MAP3K20: variants seen among roughly 807,000 people sequenced by gnomAD.
MAP3K20 encodes the protein mitogen-activated protein kinase kinase kinase 20.
A neutral mutation model predicts 85.7 loss-of-function variants in MAP3K20; 40 were observed. The observed-to-expected ratio is 0.47, with a 90% CI of 0.36 to 0.61. The LOEUF (loss-of-function observed/expected upper bound fraction) is 0.61. MAP3K20 is among the 20% of genes least tolerant of loss of function. MAP3K20 has a pLI of 0.00. For synonymous variants in MAP3K20, 325 were observed against 327.7 expected, an observed-to-expected ratio of 0.99 and a Z score of 0.09; for missense variants, 817 against 961.7, an observed-to-expected ratio of 0.85 and a Z score of 1.99.
intron 10 of MAP3K20, 116 bp downstream of exon 10, chr2:173,209,951 G>C (rs998152428): frequency 1.7e-5 from 16 of 941,588 alleles, no homozygotes; most frequent in Non-Finnish European, 2.5e-5. Context: ...CATAGCTTAG[G>C]GAAAAAGAAA....
chr2:173,122,438 C>A (rs1255621294), intron 2 of MAP3K20, among the ~76,000 whole-genome samples: 1 of 152,150 alleles, frequency 6.6e-6, no homozygotes, highest in Non-Finnish European at 1.5e-5. Context: ...TATGTTCTTT[C>A]CCCCTGTGCA....
chr2:173,151,201 A>G (rs1689297932), intron 2 of MAP3K20, among the ~76,000 whole-genome samples: 1 of 152,124 alleles, frequency 6.6e-6, no homozygotes, highest in South Asian at 2.1e-4. Flanking sequence ...TCTGAGGGGA[A>G]TGTAAAATGA....
chr2:173,117,256 T>C (rs1214081553), intron 2 of MAP3K20, among the ~76,000 whole-genome samples: 2 of 152,164 alleles, frequency 1.3e-5, no homozygotes, highest in African/African-American at 4.8e-5. Context: ...GAAGCAGGGA[T>C]ATGTAGTTTT....
intron 2 of MAP3K20, among the ~76,000 whole-genome samples, chr2:173,168,035 CTG>C (rs1218775268): frequency 1.3e-5 from 2 of 151,752 alleles, no homozygotes; most frequent in East Asian, 3.8e-4. Flanking sequence ...GATTTCCAAA[CTG>C]CACATACATT....
At chr2:173,221,660 C>T in intron 11 of MAP3K20, 2 of 1,358,114 alleles carry the variant, frequency 1.5e-6, no homozygotes, top group Non-Finnish European at 1.9e-6. Flanking sequence ...ATCACATTTA[C>T]ATGACCGTAA....
intron 11 of MAP3K20, chr2:173,221,122 A>T (rs752621302): frequency 6.9e-7 from 1 of 1,444,300 alleles, no homozygotes; most frequent in Non-Finnish European, 9.2e-7. Context: ...TTCTCTTTTT[A>T]CTTCTGTCCT....
intron 11 of MAP3K20, chr2:173,225,601 A>AAC (rs1684363164): frequency 1.0e-6 from 1 of 962,736 alleles, no homozygotes; most frequent in African/African-American, 2.1e-5. Flanking sequence ...CTCAAAAAAA[A>AAC]AAAAAAACAA....
chr2:173,119,579 C>T (rs1010503918), intron 2 of MAP3K20, among the ~76,000 whole-genome samples: 2 of 152,184 alleles, frequency 1.3e-5, no homozygotes, highest in Non-Finnish European at 2.9e-5. Context: ...GGGCCTAGCT[C>T]CAGTATCACG....
chr2:173,131,628 A>G (rs1366346361), intron 2 of MAP3K20, among the ~76,000 whole-genome samples: 2 of 152,206 alleles, frequency 1.3e-5, no homozygotes, highest in African/African-American at 4.8e-5. Flanking sequence ...GGTATATTAG[A>G]TATTTGCAGA....
chr2:173,229,766 T>C, intron 12 of MAP3K20, 33 bp downstream of exon 12: 1 of 1,612,498 alleles, frequency 6.2e-7, no homozygotes, highest in Non-Finnish European at 8.5e-7. Flanking sequence ...TTATTTGACT[T>C]GAGCAGGTAT....
intron 16 of MAP3K20, among the ~76,000 whole-genome samples, chr2:173,245,978 A>G (rs1684903788): frequency 6.6e-6 from 1 of 152,240 alleles, no homozygotes; most frequent in African/African-American, 2.4e-5. Context: ...ACAACCTGGA[A>G]GTTACGACAA....
At chr2:173,092,808 A>G (rs1334234622) in intron 2 of MAP3K20, among the ~76,000 whole-genome samples, 2 of 152,168 alleles carry the variant, frequency 1.3e-5, no homozygotes, top group African/African-American at 2.4e-5. Flanking sequence ...AAGGATACCT[A>G]CATAATACCT....
intron 2 of MAP3K20, among the ~76,000 whole-genome samples, chr2:173,105,749 G>A (rs192907421): frequency 1.3e-5 from 2 of 152,258 alleles, no homozygotes; most frequent in Non-Finnish European, 2.9e-5. Flanking sequence ...ATTACCAGGG[G>A]CTGGGAGAGA....
chr2:173,185,623 T>C (rs74511003), intron 4 of MAP3K20, among the ~76,000 whole-genome samples: 6,021 of 152,296 alleles, frequency 0.04, 196 homozygotes, highest in African/African-American at 0.087. Context: ...TGTTGAGAAA[T>C]CAGAGAATGA....
chr2:173,263,985 A>G, intron 19 of MAP3K20, 90 bp downstream of exon 19: 1 of 1,486,684 alleles, frequency 6.7e-7, no homozygotes. Flanking sequence ...AGAGGATACC[A>G]CCTCAATCAG....
chr2:173,099,538 A>G (rs1411416315), intron 2 of MAP3K20, among the ~76,000 whole-genome samples: 3 of 151,902 alleles, frequency 2.0e-5, no homozygotes, highest in African/African-American at 7.3e-5. Flanking sequence ...CTCCTGTCCA[A>G]CTGTTCTTCT....
rs3754742 is a variant in MAP3K20, at chr2:173,149,778, C to A, written c.160-20027C>A. On this transcript the variant is annotated intron_variant, in intron 2 of 19. Coordinates refer to ENST00000375213, the MANE Select transcript of MAP3K20 (RefSeq NM_016653.3). ...TTCGAGGGTTGAGAGGTGATACTTT[C>A]ATTTTACAGTTAAGAGATCATTGCC... Among the ~76,000 whole-genome samples the A allele has an allele frequency of 1.3e-3, 201 of 152,298 alleles. 4 individuals carry two copies. In the East Asian group the frequency reaches 0.031, roughly 23 times the overall value.
intron 2 of MAP3K20, among the ~76,000 whole-genome samples, chr2:173,126,559 T>C (rs1033505836): frequency 2.0e-5 from 3 of 152,152 alleles, no homozygotes; most frequent in Admixed American, 2.0e-4. Flanking sequence ...TTCATATTTT[T>C]AGTAGAGATG....
At chr2:173,102,691 C>T (rs1007266899) in intron 2 of MAP3K20, among the ~76,000 whole-genome samples, 1 of 152,152 alleles carries the variant, frequency 6.6e-6, no homozygotes, top group Non-Finnish European at 1.5e-5. Context: ...GGCAGCTCTG[C>T]TTTCCAGAGA....
Sources: gnomAD v4.1 joint callset for allele counts (sites outside exome capture counted in the v4.1 genomes callset) on GRCh38, gnomAD v4.1.1 for gene constraint, MANE v1.5 for transcripts, NCBI Gene and HGNC (gene_info 2026-07-23, HGNC 2026-07-21) for gene names.